The following LGSN variants were observed in gnomAD, a reference collection of about 807,000 sequenced individuals.
The protein encoded by LGSN is lengsin, lens protein with glutamine synthetase domain, also known as lengsin.
In LGSN, 21 loss-of-function variants were observed where a neutral mutation model predicts 19.5. The ratio of observed to expected loss-of-function variants is 1.07; its 90% CI spans 0.76 to 1.55. The LOEUF is 1.55. LGSN is among the 40% of genes most tolerant of loss of function. The probability of loss-of-function intolerance (pLI) is 0.00; values close to 1 mark genes in which losing one functional copy is unlikely to be tolerated. For missense variants in LGSN, 673 were observed against 608.5 expected (o/e 1.11, Z -1.12); for synonymous variants, 257 against 215.6 (o/e 1.19, Z -1.68).
At chr6:63,394,696 T>G in the LGSN span, among the ~76,000 whole-genome samples, 1 of 152,218 alleles carries the variant, frequency 6.6e-6, no homozygotes, top group South Asian at 2.1e-4. Context: ...CCTCGAATTC[T>G]TTTTTGCACG....
chr6:63,485,772 AGGCTGGAGTGCAGT>A, the LGSN span, among the ~76,000 whole-genome samples: 1 of 152,146 alleles, frequency 6.6e-6, no homozygotes, highest in Non-Finnish European at 1.5e-5. Context: ...TCTGTCGCCT[AGGCTGGAGTGCAGT>A]GGCATGATCT....
the LGSN span, among the ~76,000 whole-genome samples, chr6:63,386,049 T>A: frequency 1.3e-5 from 2 of 152,294 alleles, no homozygotes; most frequent in African/African-American, 4.8e-5. Context: ...TTAACAGTTT[T>A]AAAAAATTAT....
At chr6:63,548,854 C>G in the LGSN span, 2 of 762,408 alleles carry the variant, frequency 2.6e-6, no homozygotes, top group Non-Finnish European at 2.4e-6. Flanking sequence ...ATAGCTCCCA[C>G]TAGCTTAGCC....
At chr6:63,503,317 T>C in the LGSN span, among the ~76,000 whole-genome samples, 3 of 152,196 alleles carry the variant, frequency 2.0e-5, no homozygotes, top group African/African-American at 7.2e-5. Flanking sequence ...AGTTCATTTA[T>C]GGAAAGGAAA....
the LGSN span, among the ~76,000 whole-genome samples, chr6:63,421,617 A>G: frequency 1.3e-5 from 2 of 152,070 alleles, no homozygotes; most frequent in African/African-American, 4.8e-5. Context: ...AGTCCCAGCT[A>G]TTCAGGAGGC....
the LGSN span, among the ~76,000 whole-genome samples, chr6:63,562,286 G>A: frequency 4.0e-5 from 6 of 148,350 alleles, no homozygotes; most frequent in Non-Finnish European, 7.4e-5. Flanking sequence ...CACAACCTTC[G>A]CCTCCCGGGT....
the LGSN span, among the ~76,000 whole-genome samples, chr6:63,518,168 A>G: frequency 2.0e-5 from 3 of 152,004 alleles, no homozygotes; most frequent in Admixed American, 1.3e-4. Context: ...AAAAAAAAAA[A>G]AAAAAATCTC....
Position 63,278,337 on chromosome 6 carries a change from T to A in LGSN, c.*1684A>T, listed in dbSNP as rs551487258. ...TTGGCATGAGAGTCTTCCTTATCCC[T>A]CCCATGATGTAATGTGTGGGATTTC... is the stretch of plus-strand genomic sequence containing the variant. On this transcript the variant is annotated 3_prime_UTR_variant, in exon 4 of 4. Transcript: ENST00000370657. 1.4e-3 allele frequency: 211 copies of A among 152,204 alleles called. 1 individual carries two copies. The highest frequency in any genetic ancestry group is 4.6e-3 in the African/African-American group (192 of 41,518). 9.4% of individuals were successfully genotyped at this position (152,204 alleles called of 1,614,324 possible).
chr6:63,572,969 G>C, the LGSN span, among the ~76,000 whole-genome samples: 39 of 152,120 alleles, frequency 2.6e-4, no homozygotes, highest in Non-Finnish European at 5.0e-4. Context: ...ACCGGCTTTT[G>C]AGTCCCTCCC....
At chr6:63,304,709 A>C (rs1372910031) in intron 1 of LGSN, among the ~76,000 whole-genome samples, 1 of 152,192 alleles carries the variant, frequency 6.6e-6, no homozygotes, top group Non-Finnish European at 1.5e-5. Flanking sequence ...TATAGTAGTC[A>C]TTATCATTAT....
the LGSN span, among the ~76,000 whole-genome samples, chr6:63,367,025 C>A: frequency 6.6e-6 from 1 of 152,078 alleles, no homozygotes; most frequent in Admixed American, 6.5e-5. Context: ...AGGACATAGG[C>A]ATGGGCAAGG....
At chr6:63,389,949 T>A in the LGSN span, among the ~76,000 whole-genome samples, 1 of 151,136 alleles carries the variant, frequency 6.6e-6, no homozygotes, top group Non-Finnish European at 1.5e-5. Context: ...CAAAAAAAAA[T>A]GGTGAGAGAA....
At chr6:63,508,334 T>A in the LGSN span, among the ~76,000 whole-genome samples, 1 of 152,226 alleles carries the variant, frequency 6.6e-6, no homozygotes, top group African/African-American at 2.4e-5. Context: ...GTAGTAAGAC[T>A]TTTGATTGCC....
the LGSN span, among the ~76,000 whole-genome samples, chr6:63,372,832 C>T: frequency 6.6e-6 from 1 of 152,038 alleles, no homozygotes; most frequent in African/African-American, 2.4e-5. Context: ...TAAGAATATT[C>T]ATTTATACTT....
the LGSN span, among the ~76,000 whole-genome samples, chr6:63,538,975 C>T: frequency 6.6e-6 from 1 of 152,154 alleles, no homozygotes; most frequent in Non-Finnish European, 1.5e-5. Flanking sequence ...TCACTGTAAC[C>T]TCCTCCTCTT....
At chr6:63,561,353 A>G in the LGSN span, among the ~76,000 whole-genome samples, 3 of 152,204 alleles carry the variant, frequency 2.0e-5, no homozygotes, top group African/African-American at 4.8e-5. Context: ...TAAGCACTCA[A>G]TAAATGTCAG....
In LGSN at chr6:63,281,304, AATATATATATATAT is replaced by A. The variant is rs1223943140; in HGVS notation, c.331-98_331-85del. 2.9e-5 allele frequency: 4 copies of A among 135,800 alleles called. 1 individual carries two copies. The highest frequency in any genetic ancestry group is 4.2e-5 in the Non-Finnish European group (3 of 70,590). The allele number at this position is 135,800 out of a possible 1,614,324, so 8.4% of individuals were successfully genotyped here. On this transcript the variant is annotated intron_variant, in intron 3 of 3. Transcript: ENST00000370657. The stretch of plus-strand genomic sequence containing the variant: ...GCGGCGGGAAAGCCTTGCTAATGAA[AATATATATATATAT>A]ATATATATATATAATAAATATATAT...
At chr6:63,481,467 C>T in the LGSN span, among the ~76,000 whole-genome samples, 5 of 152,084 alleles carry the variant, frequency 3.3e-5, 1 homozygote, top group Admixed American at 2.6e-4. Flanking sequence ...CTCAGCCTCC[C>T]GAGTAGCTGG....
chr6:63,368,125 G>T, the LGSN span, among the ~76,000 whole-genome samples: 3 of 149,920 alleles, frequency 2.0e-5, no homozygotes, highest in South Asian at 6.3e-4. Context: ...CAGAAAAAAA[G>T]AAAAAAAAAG....
Sources: gnomAD v4.1 joint callset for allele counts (sites outside exome capture counted in the v4.1 genomes callset) on GRCh38, gnomAD v4.1.1 for gene constraint, MANE v1.5 for transcripts, NCBI Gene and HGNC (gene_info 2026-07-23, HGNC 2026-07-21) for gene names.